Variants in EPHB1 observed in about 807,000 individuals in gnomAD.
EPHB1 encodes the protein EPH receptor B1, also known as ephrin type-B receptor 1.
A neutral mutation model predicts 94.4 loss-of-function variants in EPHB1; 30 were observed. The ratio of observed to expected loss-of-function variants is 0.32; its 90% CI spans 0.24 to 0.43. The LOEUF (loss-of-function observed/expected upper bound fraction) is 0.43. Ranked by LOEUF, EPHB1 falls within the 20% of genes least tolerant of loss-of-function variation. The pLI is 1.00. For missense variants in EPHB1, 1,055 were observed against 1,308.3 expected (o/e 0.81, Z 2.99); for synonymous variants, 522 against 489.1 (o/e 1.07, Z -0.89).
chr3:134,871,866 G>A (rs953408642), intron 1 of EPHB1, among the ~76,000 whole-genome samples: 7 of 152,188 alleles, frequency 4.6e-5, no homozygotes, highest in Non-Finnish European at 1.0e-4. Context: ...GGTTGTTCTA[G>A]CCTCCAAACA....
chr3:135,157,627 T>C (rs1246879304), intron 6 of EPHB1, among the ~76,000 whole-genome samples: 3 of 152,214 alleles, frequency 2.0e-5, no homozygotes, highest in Non-Finnish European at 4.4e-5. Flanking sequence ...CAGAGAAGGT[T>C]CTTTGGGCAA....
At chr3:135,223,083 G>T (rs1943312197) in intron 12 of EPHB1, among the ~76,000 whole-genome samples, 1 of 152,202 alleles carries the variant, frequency 6.6e-6, no homozygotes, top group African/African-American at 2.4e-5. Context: ...TTAGGCATAA[G>T]AAATAGTTGA....
intron 10 of EPHB1, among the ~76,000 whole-genome samples, chr3:135,180,975 G>A (rs1269405098): frequency 1.3e-5 from 2 of 152,034 alleles, no homozygotes; most frequent in African/African-American, 2.4e-5. Context: ...TATTGGGAAA[G>A]CCATGGAATT....
intron 2 of EPHB1, among the ~76,000 whole-genome samples, 184 bp downstream of exon 2, chr3:134,926,064 G>A (rs762725172): frequency 1.5e-4 from 23 of 152,144 alleles, no homozygotes; most frequent in African/African-American, 3.9e-4. Flanking sequence ...CTGCTGCCTC[G>A]TGTGCTGATG....
intron 2 of EPHB1, among the ~76,000 whole-genome samples, chr3:134,937,138 C>A (rs968580825): frequency 6.6e-6 from 1 of 152,184 alleles, no homozygotes; most frequent in Non-Finnish European, 1.5e-5. Flanking sequence ...CCTTGTCATT[C>A]AAAGAATATT....
chr3:135,179,744 C>A, intron 9 of EPHB1, 116 bp from the exon 10 acceptor site: 1 of 1,266,336 alleles, frequency 7.9e-7, no homozygotes, highest in Non-Finnish European at 1.1e-6. Context: ...AAAGTTGCAG[C>A]CTGGTGTGTA....
chr3:134,942,218 G>C (rs996614051), intron 2 of EPHB1, among the ~76,000 whole-genome samples: 1 of 152,204 alleles, frequency 6.6e-6, no homozygotes, highest in Non-Finnish European at 1.5e-5. Context: ...TGAGGGCTTG[G>C]CACTGGGAAT....
At chr3:135,225,728 A>C (rs1943379957) in intron 12 of EPHB1, among the ~76,000 whole-genome samples, 2 of 151,972 alleles carry the variant, frequency 1.3e-5, no homozygotes, top group Admixed American at 1.3e-4. Context: ...CAAGAGCCAC[A>C]GGGAAAGGGT....
At chr3:135,257,887 C>G (rs189199559) in intron 15 of EPHB1, among the ~76,000 whole-genome samples, 1 of 151,728 alleles carries the variant, frequency 6.6e-6, no homozygotes, top group East Asian at 1.9e-4. Context: ...TAGGACCCTC[C>G]GAGCCAGGTG....
Position 134,859,361 on chromosome 3 carries a change from C to A in EPHB1, c.58+63672C>A, listed in dbSNP as rs146236257. On this transcript the variant is annotated intron_variant, in intron 1 of 15. Coordinates refer to ENST00000398015, the MANE Select transcript of EPHB1 (RefSeq NM_004441.5). ...ACTCACCTTGGGCAGCAGCCCTCAC[C>A]CCCACAGCCATCCTGCTGGATGTTA... Among the ~76,000 whole-genome samples, 16 of 152,284 alleles carry A rather than the reference C, an allele frequency of 1.1e-4. No homozygotes were observed. In the East Asian group the frequency reaches 3.1e-3, roughly 29 times the overall value.
In EPHB1 at chr3:134,859,754, T is replaced by C. The variant is rs553563514; in HGVS notation, c.58+64065T>C. ...TTTTTGTTTGCCCTTTTCAGGTTAA[T>C]GATTTTGGTCAGAAAATCGCTAAAT... On this transcript the variant is annotated intron_variant, in intron 1 of 15. Coordinates refer to ENST00000398015, the MANE Select transcript of EPHB1 (RefSeq NM_004441.5). Among the ~76,000 whole-genome samples, 7 of 152,374 alleles carry C rather than the reference T, an allele frequency of 4.6e-5. No individual in the cohort carries two copies. The East Asian group carries it at 1.2e-3, about 25-fold the overall frequency.
intron 1 of EPHB1, among the ~76,000 whole-genome samples, chr3:134,917,146 G>A (rs550337200): frequency 2.6e-5 from 4 of 152,168 alleles, no homozygotes; most frequent in South Asian, 2.1e-4. Flanking sequence ...AAAGTCCATC[G>A]TAGGTCTAGA....
At chr3:135,204,281 G>A (rs951089549) in intron 12 of EPHB1, among the ~76,000 whole-genome samples, 1 of 152,040 alleles carries the variant, frequency 6.6e-6, no homozygotes, top group African/African-American at 2.4e-5. Flanking sequence ...TCGGCTCACT[G>A]CAACCTCTGC....
chr3:134,807,662 T>C (rs2036093248), intron 1 of EPHB1, among the ~76,000 whole-genome samples: 1 of 152,106 alleles, frequency 6.6e-6, no homozygotes, highest in Non-Finnish European at 1.5e-5. Flanking sequence ...GTTCTGTGTC[T>C]GTATCTGTCA....
intron 3 of EPHB1, among the ~76,000 whole-genome samples, chr3:134,962,856 C>T (rs150101389): frequency 6.6e-6 from 1 of 152,176 alleles, no homozygotes; most frequent in African/African-American, 2.4e-5. Flanking sequence ...TCCCCAGCAG[C>T]CCCAAATCAG....
chr3:135,126,343 C>G (rs1312258537), intron 4 of EPHB1, among the ~76,000 whole-genome samples: 3 of 152,166 alleles, frequency 2.0e-5, no homozygotes, highest in African/African-American at 7.2e-5. Flanking sequence ...TTCCCAGACC[C>G]CACTGCAATT....
chr3:135,226,311 T>C (rs1207165912), intron 12 of EPHB1, among the ~76,000 whole-genome samples: 1 of 152,266 alleles, frequency 6.6e-6, no homozygotes, highest in Non-Finnish European at 1.5e-5. Context: ...GGCACTCTTC[T>C]GTCCCAGCAG....
intron 3 of EPHB1, among the ~76,000 whole-genome samples, chr3:134,992,985 C>T (rs1019806340): frequency 2.6e-5 from 4 of 152,136 alleles, no homozygotes; most frequent in Non-Finnish European, 5.9e-5. Flanking sequence ...CCAGCTCCAC[C>T]AGCCCTGGCC....
intron 3 of EPHB1, among the ~76,000 whole-genome samples, chr3:134,990,472 G>A (rs778213968): frequency 2.6e-5 from 4 of 152,078 alleles, no homozygotes; most frequent in South Asian, 4.1e-4. Flanking sequence ...ATTGTGAGCC[G>A]TTTCTTTGTT....
Sources: gnomAD v4.1 joint callset for allele counts (sites outside exome capture counted in the v4.1 genomes callset) on GRCh38, gnomAD v4.1.1 for gene constraint, MANE v1.5 for transcripts, NCBI Gene and HGNC (gene_info 2026-07-23, HGNC 2026-07-21) for gene names.